Variants in XRCC4 observed in about 807,000 individuals in gnomAD.
XRCC4 encodes the protein X-ray repair cross complementing 4, also known as DNA repair protein XRCC4.
In XRCC4, 28 loss-of-function variants were observed where a neutral mutation model predicts 39.1. The observed-to-expected ratio is 0.72, with a 90% CI of 0.53 to 0.98. XRCC4 has a LOEUF of 0.98. Ranked by LOEUF, XRCC4 falls within the 50% of genes least tolerant of loss-of-function variation. The probability of loss-of-function intolerance (pLI) is 0.00; values close to 1 mark genes in which losing one functional copy is unlikely to be tolerated. For synonymous variants in XRCC4, 123 were observed against 126.4 expected (o/e 0.97, Z 0.18); for missense variants, 350 against 376.4 (o/e 0.93, Z 0.58).
intron 1 of XRCC4, among the ~76,000 whole-genome samples, chr5:83,103,488 G>A (rs1382373): frequency 5.3e-5 from 8 of 151,856 alleles, no homozygotes; most frequent in South Asian, 2.1e-4. Flanking sequence ...CTGGTACAAC[G>A]CTTTTAGAAA....
chr5:83,242,830 G>A (rs1161235268), intron 6 of XRCC4, among the ~76,000 whole-genome samples: 1 of 152,060 alleles, frequency 6.6e-6, no homozygotes, highest in African/African-American at 2.4e-5. Flanking sequence ...TACAATTGTT[G>A]ATATAGTTTA....
intron 3 of XRCC4, among the ~76,000 whole-genome samples, chr5:83,143,331 C>G (rs984563276): frequency 3.3e-5 from 5 of 152,050 alleles, no homozygotes; most frequent in Admixed American, 6.5e-5. Context: ...AGCTACCTGA[C>G]CAATTTTAAA....
intron 6 of XRCC4, among the ~76,000 whole-genome samples, chr5:83,211,311 G>A: frequency 6.6e-6 from 1 of 152,190 alleles, no homozygotes; most frequent in East Asian, 1.9e-4. Flanking sequence ...TGCTGTACCT[G>A]AGCTAAAGAG....
chr5:83,077,576 C>T lies in XRCC4; in HGVS notation c.-50C>T, dbSNP rs189499472. ...GTTGCAAAACCTTGATCTGTGAAAGCGGGCGTTTTGGAAGATACCGGAAGT... is the reference window on the plus strand; with the variant it reads ...GTTGCAAAACCTTGATCTGTGAAAGTGGGCGTTTTGGAAGATACCGGAAGT... On this transcript the variant is annotated 5_prime_UTR_variant, in exon 1 of 8. Transcript: ENST00000396027. 16 of 521,762 alleles carry T rather than the reference C, an allele frequency of 3.1e-5. No individual in the cohort carries two copies. Among genetic ancestry groups the T allele is most frequent in the Non-Finnish European group, 4.9e-5 (14 of 288,438 alleles). 32.3% of individuals were successfully genotyped at this position (521,762 alleles called of 1,614,324 possible).
intron 3 of XRCC4, among the ~76,000 whole-genome samples, chr5:83,179,415 G>A (rs1750107243): frequency 6.6e-6 from 1 of 152,152 alleles, no homozygotes; most frequent in Admixed American, 6.6e-5. Context: ...AAAGCTAGGG[G>A]CGGGGTTTGC....
chr5:83,090,597 G>A (rs1745380140), intron 1 of XRCC4, among the ~76,000 whole-genome samples: 1 of 152,144 alleles, frequency 6.6e-6, no homozygotes. Context: ...GTGCATGGGA[G>A]GAATGGAGGG....
At chr5:83,217,797 G>T (rs537308734) in intron 6 of XRCC4, among the ~76,000 whole-genome samples, 1 of 152,210 alleles carries the variant, frequency 6.6e-6, no homozygotes, top group East Asian at 1.9e-4. Flanking sequence ...TGGCTTAAGG[G>T]TGTCTTCAAT....
chr5:83,171,603 A>G (rs930326490), intron 3 of XRCC4, among the ~76,000 whole-genome samples: 5 of 152,158 alleles, frequency 3.3e-5, no homozygotes, highest in Non-Finnish European at 5.9e-5. Context: ...AAGATGGGAA[A>G]TGCTCTCTGT....
chr5:83,270,845 G>A (rs140697203), intron 7 of XRCC4, among the ~76,000 whole-genome samples: 5,668 of 151,206 alleles, frequency 0.037, 352 homozygotes, highest in African/African-American at 0.13. Flanking sequence ...GAATGCAGTG[G>A]CAAGAGCTCA....
chr5:83,103,150 G>A (rs1746032899), intron 1 of XRCC4, among the ~76,000 whole-genome samples: 1 of 151,596 alleles, frequency 6.6e-6, no homozygotes, highest in Admixed American at 6.6e-5. Context: ...ATTTAAACAT[G>A]CGTGTCTGTG....
intron 7 of XRCC4, among the ~76,000 whole-genome samples, chr5:83,300,744 C>T (rs1245101260): frequency 1.3e-5 from 2 of 151,886 alleles, no homozygotes; most frequent in Non-Finnish European, 2.9e-5. Flanking sequence ...CCCCACCCCC[C>T]AACAGGCCCC....
At chr5:83,236,147 G>A (rs1199962092) in intron 6 of XRCC4, among the ~76,000 whole-genome samples, 2 of 152,076 alleles carry the variant, frequency 1.3e-5, no homozygotes, top group Non-Finnish European at 2.9e-5. Flanking sequence ...TAGACCCAAA[G>A]CAATCTACAG....
At chr5:83,325,063 C>G (rs1199857625) in intron 7 of XRCC4, among the ~76,000 whole-genome samples, 2 of 151,920 alleles carry the variant, frequency 1.3e-5, no homozygotes, top group African/African-American at 4.8e-5. Context: ...GTAGGTGTCT[C>G]CTATTTTATT....
At chr5:83,269,216 T>C (rs1754055022) in intron 7 of XRCC4, among the ~76,000 whole-genome samples, 1 of 152,094 alleles carries the variant, frequency 6.6e-6, no homozygotes, top group Non-Finnish European at 1.5e-5. Context: ...ATATTATCCT[T>C]AGACAATGGT....
intron 3 of XRCC4, among the ~76,000 whole-genome samples, chr5:83,143,050 C>G (rs1454037701): frequency 6.6e-6 from 1 of 152,044 alleles, no homozygotes; most frequent in Non-Finnish European, 1.5e-5. Flanking sequence ...AAATAGTTAC[C>G]AGTGACAGTA....
chr5:83,136,593 CACTT>C (rs1747909675), intron 3 of XRCC4, among the ~76,000 whole-genome samples: 1 of 152,044 alleles, frequency 6.6e-6, no homozygotes, highest in African/African-American at 2.4e-5. Context: ...AAAGATAAAA[CACTT>C]AAGGTGAACC....
chr5:83,226,008 C>T (rs775929290), intron 6 of XRCC4, among the ~76,000 whole-genome samples: 1 of 151,898 alleles, frequency 6.6e-6, no homozygotes, highest in Non-Finnish European at 1.5e-5. Flanking sequence ...AATGTGTGTC[C>T]GAAACCTCTT....
chr5:83,142,296 GAGGAAACTAACTCTCAGTGGTGTTTAGA>G (rs1191074880), intron 3 of XRCC4, among the ~76,000 whole-genome samples: 55 of 42,712 alleles, frequency 1.3e-3, no homozygotes, highest in African/African-American at 8.9e-3. Context: ...TGTTATGGAT[GAGGAAACTAACTCTCAGTGGTGTTTAGA>G]TGAGGAAACT....
intron 4 of XRCC4, among the ~76,000 whole-genome samples, chr5:83,198,812 G>C (rs1439027137): frequency 6.6e-6 from 1 of 152,004 alleles, no homozygotes; most frequent in Admixed American, 6.6e-5. Context: ...TGTGTTCTTG[G>C]CTCCATTTTG....
Sources: gnomAD v4.1 joint callset for allele counts (sites outside exome capture counted in the v4.1 genomes callset) on GRCh38, gnomAD v4.1.1 for gene constraint, MANE v1.5 for transcripts, NCBI Gene and HGNC (gene_info 2026-07-23, HGNC 2026-07-21) for gene names.